HNRNPUL1: variants seen among roughly 807,000 people sequenced by gnomAD.
HNRNPUL1 encodes the protein heterogeneous nuclear ribonucleoprotein U like 1, also known as heterogeneous nuclear ribonucleoprotein U-like protein 1.
HNRNPUL1 carries 14 observed loss-of-function variants against 108.5 expected under a neutral mutation model. The observed-to-expected ratio is 0.13, with a 90% CI of 0.09 to 0.20. The LOEUF is 0.20. Ranked by LOEUF, HNRNPUL1 falls within the 10% of genes least tolerant of loss-of-function variation. The pLI is 1.00. For missense variants in HNRNPUL1, 804 were observed against 1,168.3 expected, an observed-to-expected ratio of 0.69 and a Z score of 4.55; for synonymous variants, 422 against 445.2, an observed-to-expected ratio of 0.95 and a Z score of 0.66.
intron 2 of HNRNPUL1, among the ~76,000 whole-genome samples, chr19:41,269,719 C>G (rs1187672396): frequency 6.6e-6 from 1 of 152,110 alleles, no homozygotes; most frequent in Admixed American, 6.5e-5. Flanking sequence ...AGGAGGATCA[C>G]TTGAGCCCAG....
At chr19:41,273,668 G>A (rs1253837459) in intron 3 of HNRNPUL1, among the ~76,000 whole-genome samples, 2 of 152,162 alleles carry the variant, frequency 1.3e-5, no homozygotes, top group African/African-American at 4.8e-5. Flanking sequence ...GGAAGTGGTT[G>A]TCAACATGCA....
chr19:41,264,573 G>C lies in HNRNPUL1; in HGVS notation c.70G>C (p.Gly24Arg). 1 of 1,557,858 alleles carries C rather than the reference G, an allele frequency of 6.4e-7. No individual in the cohort carries two copies. Among genetic ancestry groups the C allele is most frequent in the Non-Finnish European group, 8.6e-7 (1 of 1,158,576 alleles). Residue 24 changes from glycine (G) to arginine (R), a missense_variant, in exon 1 of 15, where the codon GGC becomes CGC. Coordinates refer to ENST00000392006, the MANE Select transcript of HNRNPUL1 (RefSeq NM_007040.6). ...GCAGCGCCGCGGCCTGGACACTCGA[G>C]GCCTCAAGGCCGAGCTTGCTGAGCG... ...ELQRRGLDTR[G>R]LKAELAERLQ...
chr19:41,267,912 C>T (rs2034952762), intron 1 of HNRNPUL1, among the ~76,000 whole-genome samples: 1 of 152,190 alleles, frequency 6.6e-6, no homozygotes, highest in East Asian at 1.9e-4. Flanking sequence ...TGAATCAAGG[C>T]TTATCTGTTA....
intron 4 of HNRNPUL1, among the ~76,000 whole-genome samples, chr19:41,274,874 T>C (rs2122549857): frequency 6.6e-6 from 1 of 152,302 alleles, no homozygotes; most frequent in Non-Finnish European, 1.5e-5. Context: ...AAACAACATC[T>C]ACCCAGAGTA....
rs1415076022 is a variant in HNRNPUL1 at position 41,292,668 on chromosome 19, T to C, written c.1266+157T>C. Among the ~76,000 whole-genome samples the C allele has an allele frequency of 6.6e-6, 1 of 152,126 alleles. No homozygotes were observed. The highest frequency in any genetic ancestry group is 1.5e-5 in the Non-Finnish European group (1 of 68,020). Reference sequence around the variant, plus strand: ...GTTGGACTCAGAGCTGAAAAGCTGCTCTGAGTGTGAGGTGAGGGGTGTTGG... The same window carrying C: ...GTTGGACTCAGAGCTGAAAAGCTGCCCTGAGTGTGAGGTGAGGGGTGTTGG... On this transcript the variant is annotated intron_variant, in intron 8 of 14. Transcript: ENST00000392006. The surrounding 1 kb of genome is among the most constrained non-coding windows in gnomAD (Gnocchi z 4.1).
intron 11 of HNRNPUL1, chr19:41,302,326 C>T (rs1040965402): frequency 1.1e-5 from 4 of 355,204 alleles, no homozygotes; most frequent in Non-Finnish European, 2.2e-5. Context: ...TCACCCAGTT[C>T]TCCTGCCTCA....
Position 41,279,115 on chromosome 19 carries a change from A to G in HNRNPUL1, c.825A>G (p.Thr275=), listed in dbSNP as rs138404450. Residue 275 remains threonine (T), a synonymous_variant, in exon 6 of 15, where the codon ACA becomes ACG. Transcript: ENST00000392006. ...TCTCCGTGAAGCACCTTCCGTCTAC[A>G]GAGCCTGACCCCCACGTGGTCCGTA... ...EEISVKHLPS[T]EPDPHVVRIG... is the part of the protein sequence containing the mutation. 7.4e-5 allele frequency: 119 copies of G among 1,614,068 alleles called. 1 individual carries two copies. The African/African-American group carries it at 1.4e-3, about 19-fold the overall frequency.
In HNRNPUL1 at chr19:41,294,328, G is replaced by C; in HGVS notation, c.1267-10G>C. 6.2e-7 allele frequency: 1 copy of C among 1,613,912 alleles called. No individual in the cohort carries two copies. The highest frequency in any genetic ancestry group is 8.5e-7 in the Non-Finnish European group (1 of 1,179,954). On this transcript the variant is annotated splice_polypyrimidine_tract_variant and intron_variant, in intron 8 of 14. Coordinates refer to ENST00000392006, the MANE Select transcript of HNRNPUL1 (RefSeq NM_007040.6). This position sits in a 1 kb window ranked among gnomAD's most constrained non-coding sequence, Gnocchi z 4.3. Reference sequence around the variant, plus strand: ...CATGCCGCAACACCTTCCCTGTCTTGTTCTTGTAGATTCTGATGATGGTGG... The same window carrying C: ...CATGCCGCAACACCTTCCCTGTCTTCTTCTTGTAGATTCTGATGATGGTGG...
At chr19:41,265,138 G>C (rs1277964959) in intron 1 of HNRNPUL1, 3 of 1,422,134 alleles carry the variant, frequency 2.1e-6, no homozygotes, top group Non-Finnish European at 2.7e-6. Flanking sequence ...CGTTTGGGTT[G>C]GGGAGGGTCT....
At position 41,305,538 on chromosome 19, in the gene HNRNPUL1, A is replaced by G. The variant is rs2037491439; in HGVS notation, c.2263-138A>G. ...AGCTGGCTCTCCTCCTTCTCAGCCC[A>G]CAAACAATGTCCACTAGGCAAGGGA... On this transcript the variant is annotated intron_variant, in intron 13 of 14. Coordinates refer to ENST00000392006, the MANE Select transcript of HNRNPUL1 (RefSeq NM_007040.6). 11 of 1,069,084 alleles carry G rather than the reference A, an allele frequency of 1.0e-5. No individual in the cohort carries two copies. The South Asian group carries it at 1.4e-4, about 14-fold the overall frequency. The allele number at this position is 1,069,084 out of a possible 1,614,324, so 66.2% of individuals were successfully genotyped here.
intron 7 of HNRNPUL1, 90 bp downstream of exon 7, chr19:41,281,365 A>G (rs1434297084): frequency 3.8e-6 from 3 of 779,430 alleles, no homozygotes; most frequent in Non-Finnish European, 2.2e-6. Flanking sequence ...TGTCTGCCCC[A>G]TATCCAGCCA....
chr19:41,268,431 A>G, intron 2 of HNRNPUL1, 86 bp downstream of exon 2: 3 of 1,397,744 alleles, frequency 2.1e-6, no homozygotes, highest in Non-Finnish European at 2.9e-6. Context: ...GTCTTCCCAG[A>G]GAAACTGTGC....
intron 7 of HNRNPUL1, among the ~76,000 whole-genome samples, chr19:41,282,999 T>C (rs906696063): frequency 6.6e-6 from 1 of 152,220 alleles, no homozygotes; most frequent in African/African-American, 2.4e-5. Flanking sequence ...CGGCCATTTT[T>C]TTCAATAAAT....
chr19:41,283,914 G>T (rs916812609), intron 7 of HNRNPUL1, among the ~76,000 whole-genome samples: 1 of 152,158 alleles, frequency 6.6e-6, no homozygotes, highest in Non-Finnish European at 1.5e-5. Context: ...ATTAACCAGC[G>T]CATACTGTAA....
chr19:41,280,721 G>A (rs1056814586), intron 6 of HNRNPUL1, among the ~76,000 whole-genome samples: 1 of 152,152 alleles, frequency 6.6e-6, no homozygotes, highest in African/African-American at 2.4e-5. Context: ...GTAGCCTGAG[G>A]AAATCTAGTA....
At chr19:41,274,555 A>C (rs972094125) in intron 4 of HNRNPUL1, among the ~76,000 whole-genome samples, 2 of 152,186 alleles carry the variant, frequency 1.3e-5, no homozygotes, top group Non-Finnish European at 2.9e-5. Flanking sequence ...CCTCCAGTTC[A>C]GTTTTCTTTC....
chr19:41,265,548 G>A (rs2034778336), intron 1 of HNRNPUL1, among the ~76,000 whole-genome samples: 1 of 152,204 alleles, frequency 6.6e-6, no homozygotes, highest in African/African-American at 2.4e-5. Context: ...GAGATCTGGG[G>A]ACTTTCTGGT....
intron 5 of HNRNPUL1, chr19:41,276,817 C>T (rs939371252): frequency 5.9e-5 from 9 of 152,068 alleles, no homozygotes; most frequent in African/African-American, 1.9e-4. Context: ...AGGTTATTCT[C>T]GCCAGGTGTG....
chr19:41,295,734 T>C (rs2036853989), intron 10 of HNRNPUL1, among the ~76,000 whole-genome samples: 1 of 152,096 alleles, frequency 6.6e-6, no homozygotes, highest in Non-Finnish European at 1.5e-5. Flanking sequence ...TGACCATGAG[T>C]TCAAAGGGCT....
Sources: allele counts gnomAD v4.1 joint callset (sites outside exome capture counted in the v4.1 genomes callset), GRCh38; gene constraint gnomAD v4.1.1; non-coding constraint Gnocchi (gnomAD v3.1); transcripts MANE v1.5; gene names NCBI Gene and HGNC (gene_info 2026-07-23, HGNC 2026-07-21).